Variants in FOXM1 observed in about 807,000 individuals in gnomAD.
FOXM1 encodes forkhead box M1.
Under a neutral mutation model 63.6 loss-of-function variants are expected in FOXM1, and 25 were observed. The observed-to-expected ratio is 0.39, with a 90% CI of 0.29 to 0.55. The LOEUF is 0.55. Ranked by LOEUF, FOXM1 falls within the 20% of genes least tolerant of loss-of-function variation. The pLI is 0.60. For missense variants in FOXM1, 879 were observed against 958.7 expected (o/e 0.92, Z 1.10); for synonymous variants, 387 against 376.9 (o/e 1.03, Z -0.31).
In FOXM1 at chr12:2,859,877, C is replaced by T. The variant is rs933258839; in HGVS notation, c.1267-214G>A. The T allele has an allele frequency of 1.9e-4, 105 of 539,694 alleles. No individual in the cohort carries two copies. The East Asian group carries it at 2.9e-3, about 15-fold the overall frequency. 33.4% of individuals were successfully genotyped at this position (539,694 alleles called of 1,614,324 possible). ...TGGCATAATTATAATAGCATTCATC[C>T]GAGAGGAAATAAAATTGCATGCTTG... On this transcript the variant is annotated intron_variant, in intron 8 of 8. Coordinates refer to ENST00000359843, the MANE Select transcript of FOXM1 (RefSeq NM_021953.4).
In FOXM1 at chr12:2,874,129, T is replaced by C; in HGVS notation, c.350A>G (p.Gln117Arg). 5.6e-6 allele frequency: 9 copies of C among 1,614,170 alleles called. No individual in the cohort carries two copies. The highest frequency in any genetic ancestry group is 7.6e-6 in the Non-Finnish European group (9 of 1,180,034). ...GGTTTGAGGCCGGAGTCCTGGAGGC[T>C]GAGTTGGGGCTCCCCCACAGCTGAT... ...ILISCGGAPTQPPGLRPQTQT... is the reference protein window; with the variant it reads ...ILISCGGAPTRPPGLRPQTQT... The change falls in exon 2 of 9, where the codon CAG becomes CGG. Residue 117 changes from glutamine (Q) to arginine (R), a missense_variant. Coordinates refer to ENST00000359843, the MANE Select transcript of FOXM1 (RefSeq NM_021953.4). The surrounding 1 kb of genome is among the most constrained non-coding windows in gnomAD (Gnocchi z 4.3).
chr12:2,860,555 AAG>A (rs2098109392), intron 8 of FOXM1, among the ~76,000 whole-genome samples: 1 of 152,204 alleles, frequency 6.6e-6, no homozygotes, highest in African/African-American at 2.4e-5. Context: ...GCATAAAAGA[AAG>A]AAGATTATTT....
rs764056083 is a variant in FOXM1, at chr12:2,874,145, C to A, written c.334G>T (p.Gly112Trp). The change falls in exon 2 of 9, where the codon GGG (glycine) becomes TGG (tryptophan). Residue 112 changes from glycine to tryptophan, a missense_variant. Coordinates refer to ENST00000359843, the MANE Select transcript of FOXM1 (RefSeq NM_021953.4). The surrounding 1 kb of genome is among the most constrained non-coding windows in gnomAD (Gnocchi z 4.3). Reference protein sequence around the residue: ...GPNKFILISCGGAPTQPPGLR... With the variant: ...GPNKFILISCWGAPTQPPGLR... ...CCTGGAGGCTGAGTTGGGGCTCCCC[C>A]ACAGCTGATGAGGATGAATTTGTTG... 9.9e-6 allele frequency: 16 copies of A among 1,614,148 alleles called. No homozygotes were observed. The South Asian group carries it at 1.5e-4, about 16-fold the overall frequency.
At position 2,859,032 on chromosome 12, in the gene FOXM1, C is replaced by G; in HGVS notation, c.1898G>C (p.Gly633Ala). ...TTGTACTGGGCTGAAATCCAGTCCCCCTACTTTGGCTGGGGGCGTGAGCCT... is the reference window on the plus strand; with the variant it reads ...TTGTACTGGGCTGAAATCCAGTCCCGCTACTTTGGCTGGGGGCGTGAGCCT... ...SWRLTPPAKVGGLDFSPVQTS... is the reference protein window; with the variant it reads ...SWRLTPPAKVAGLDFSPVQTS... Residue 633 changes from glycine to alanine, a missense_variant, in exon 9 of 9, where the codon GGG becomes GCG. Physicochemically the swap from Gly to Ala is moderately conservative, Grantham distance 60. Transcript: ENST00000359843. 1 of 1,610,410 alleles carries G rather than the reference C, an allele frequency of 6.2e-7. No homozygotes were observed. The highest frequency in any genetic ancestry group is 1.7e-4 in the Middle Eastern group (1 of 6,040).
chr12:2,875,353 A>C (rs898125992), intron 1 of FOXM1, among the ~76,000 whole-genome samples: 2 of 152,174 alleles, frequency 1.3e-5, no homozygotes, highest in African/African-American at 4.8e-5. Context: ...ATCAGGGAAG[A>C]AAGGCAGATT....
At chr12:2,865,083 CT>C (rs2098120727) in intron 6 of FOXM1, 2 of 588,168 alleles carry the variant, frequency 3.4e-6, no homozygotes, top group Admixed American at 3.0e-5. Context: ...ACTGCCGCCC[CT>C]GAGGCTGGTG....
At chr12:2,870,957 C>CAA (rs11310343) in intron 3 of FOXM1, among the ~76,000 whole-genome samples, 756 of 38,254 alleles carry the variant, frequency 0.02, 24 homozygotes, top group East Asian at 0.028. Flanking sequence ...GACTACGTCT[C>CAA]AAAAAAAAAA....
intron 6 of FOXM1, chr12:2,865,026 G>A: frequency 1.7e-6 from 1 of 582,924 alleles, no homozygotes; most frequent in Non-Finnish European, 3.1e-6. Flanking sequence ...AGAGCAGGTA[G>A]CTATATGCGT....
At position 2,859,534 on chromosome 12, in the gene FOXM1, G is replaced by T; in HGVS notation, c.1396C>A (p.Pro466Thr). Residue 466 changes from proline to threonine, a missense_variant, in exon 9 of 9, where the codon CCT becomes ACT. Around this residue, in one of 4 missense-constraint regions of FOXM1, gnomAD observed 486 missense variants for 453.5 expected, o/e 1.07. Coordinates refer to ENST00000359843, the MANE Select transcript of FOXM1 (RefSeq NM_021953.4). ...VQTIKEEEIQ[P>T]GEEMPHLARP... ...GCTAAGTGTGGCATTTCCTCCCCAG[G>T]CTGGATTTCTTCCTCCTTGATAGTC... 1 of 1,614,040 alleles carries T rather than the reference G, an allele frequency of 6.2e-7. No individual in the cohort carries two copies.
intron 4 of FOXM1, among the ~76,000 whole-genome samples, chr12:2,867,258 A>C (rs2098124834): frequency 1.3e-5 from 2 of 152,006 alleles, no homozygotes; most frequent in African/African-American, 4.8e-5. Flanking sequence ...TGAGACTAGG[A>C]GTTCAGACCA....
intron 4 of FOXM1, among the ~76,000 whole-genome samples, chr12:2,867,487 A>G (rs1427738220): frequency 6.6e-6 from 1 of 152,028 alleles, no homozygotes; most frequent in East Asian, 1.9e-4. Context: ...GATGGAAGGG[A>G]GTAAAATTAA....
intron 8 of FOXM1, among the ~76,000 whole-genome samples, chr12:2,862,926 G>T (rs977130911): frequency 6.6e-6 from 1 of 151,984 alleles, no homozygotes; most frequent in African/African-American, 2.4e-5. Context: ...CTCTGAAGGG[G>T]ATGGGGGAAG....
rs972924016 is a variant in FOXM1 at position 2,874,765 on chromosome 12, TAAGAC to T, written c.-47-245_-47-241del. Among the ~76,000 whole-genome samples the T allele has an allele frequency of 1.3e-5, 2 of 152,084 alleles. No individual in the cohort carries two copies. The highest frequency in any genetic ancestry group is 2.9e-5 in the Non-Finnish European group (2 of 68,030). ...GGCAAAAATGGGACTGGGTTGGAGATAAGACAAAGATCTCCTTGAAGCTTCAGAAT... is the reference window on the plus strand; with the variant it reads ...GGCAAAAATGGGACTGGGTTGGAGATAAAGATCTCCTTGAAGCTTCAGAAT... On this transcript the variant is annotated intron_variant, in intron 1 of 8. Transcript: ENST00000359843. The surrounding 1 kb of genome is among the most constrained non-coding windows in gnomAD (Gnocchi z 4.3).
Position 2,858,682 on chromosome 12 carries a change from G to A in FOXM1, c.2248C>T (p.Pro750Ser). ...FPGLDEDPLG[P>S]DNINWSQFIP... ...AACTGGGACCAGTTGATGTTGTCAG[G>A]GCCCAGTGGGTCCTCGTCCAGGCCA... Residue 750 changes from proline (P) to serine (S), a missense_variant, in exon 9 of 9, where the codon CCT (proline) becomes TCT (serine). This residue lies in a region of FOXM1 where 486 missense variants were observed against 453.5 expected (regional missense o/e 1.07). Coordinates refer to ENST00000359843, the MANE Select transcript of FOXM1 (RefSeq NM_021953.4). The A allele has an allele frequency of 6.2e-7, 1 of 1,614,164 alleles. No homozygotes were observed. The highest frequency in any genetic ancestry group is 8.5e-7 in the Non-Finnish European group (1 of 1,180,028).
At chr12:2,873,565 A>G (rs1310946285) in intron 2 of FOXM1, among the ~76,000 whole-genome samples, 1 of 148,338 alleles carries the variant, frequency 6.7e-6, no homozygotes, top group Non-Finnish European at 1.5e-5. Flanking sequence ...TATTTTTGAG[A>G]CCCCTTCTTT....
At chr12:2,870,082 C>G (rs1313511997) in intron 3 of FOXM1, among the ~76,000 whole-genome samples, 1 of 151,580 alleles carries the variant, frequency 6.6e-6, no homozygotes, top group African/African-American at 2.4e-5. Context: ...GCTCTGCCTC[C>G]TGGGTTCAAG....
rs1381972251 is a variant in FOXM1, at chr12:2,868,605, G to A, written c.804C>T (p.Asp268=). ...TLKDIYTWIE[D]HFPYFKHIAK... ...CAATGTGCTTAAAGTAGGGAAAGTG[G>A]TCCTCAATCCACGTATAGATGTCTT... The change falls in exon 4 of 9, where the codon GAC becomes GAT. Residue 268 remains aspartate (D), a synonymous_variant. Transcript: ENST00000359843. 1 of 1,613,576 alleles carries A rather than the reference G, an allele frequency of 6.2e-7. No individual in the cohort carries two copies. Among genetic ancestry groups the A allele is most frequent in the Admixed American group, 1.7e-5 (1 of 59,914 alleles).
At chr12:2,863,440 G>A (rs1451498443) in intron 8 of FOXM1, among the ~76,000 whole-genome samples, 1 of 152,002 alleles carries the variant, frequency 6.6e-6, no homozygotes, top group Non-Finnish European at 1.5e-5. Flanking sequence ...CCAGGCTGGA[G>A]TGCAGTGGTG....
At chr12:2,873,951 AC>A in intron 2 of FOXM1, 25 bp downstream of exon 2, 1 of 1,591,636 alleles carries the variant, frequency 6.3e-7, no homozygotes, top group East Asian at 2.2e-5. Flanking sequence ...GGGCTCCCTC[AC>A]CCCTTTCCCT....
Sources: allele counts gnomAD v4.1 joint callset (sites outside exome capture counted in the v4.1 genomes callset), GRCh38; gene constraint gnomAD v4.1.1; regional missense constraint gnomAD v4.1.1; non-coding constraint Gnocchi (gnomAD v3.1); transcripts MANE v1.5; gene names NCBI Gene and HGNC (gene_info 2026-07-23, HGNC 2026-07-21).